The following TBC1D4 variants were observed in gnomAD, a reference collection of about 807,000 sequenced individuals.
The protein encoded by TBC1D4 is TBC (Tre-2, BUB2, CDC16) domain-containing protein.
A neutral mutation model predicts 142.5 loss-of-function variants in TBC1D4; 121 were observed. That is an observed-to-expected ratio of 0.85 (90% confidence interval 0.73 to 0.99). TBC1D4 has a LOEUF of 0.99. Among genes scored for constraint, TBC1D4 ranks in the 50% least tolerant of loss-of-function variants. TBC1D4 has a pLI of 0.00. For synonymous variants in TBC1D4, 630 were observed against 628.2 expected, an observed-to-expected ratio of 1.00 and a Z score of -0.04; for missense variants, 1,475 against 1,606.6, an observed-to-expected ratio of 0.92 and a Z score of 1.40.
intron 1 of TBC1D4, among the ~76,000 whole-genome samples, chr13:75,406,870 C>T (rs1417685785): frequency 6.6e-6 from 1 of 152,126 alleles, no homozygotes; most frequent in Admixed American, 6.5e-5. Context: ...AAAACAGACC[C>T]AGCACCTAAG....
At chr13:75,445,835 T>C (rs1004359593) in intron 1 of TBC1D4, among the ~76,000 whole-genome samples, 1 of 152,252 alleles carries the variant, frequency 6.6e-6, no homozygotes, top group African/African-American at 2.4e-5. Context: ...ATATTCATAA[T>C]CTGATGATTG....
chr13:75,383,049 C>A (rs1358302089), intron 1 of TBC1D4, among the ~76,000 whole-genome samples: 1 of 152,170 alleles, frequency 6.6e-6, no homozygotes, highest in Admixed American at 6.5e-5. Context: ...CGGTCGAGCA[C>A]AGAGGCTCAC....
intron 1 of TBC1D4, among the ~76,000 whole-genome samples, chr13:75,379,573 T>C (rs184296490): frequency 6.6e-6 from 1 of 152,290 alleles, no homozygotes; most frequent in Admixed American, 6.5e-5. Flanking sequence ...AAACATGGAA[T>C]CTCATAAACC....
intron 7 of TBC1D4, among the ~76,000 whole-genome samples, chr13:75,339,676 C>T (rs541360): frequency 0.026 from 3,892 of 152,110 alleles, 157 homozygotes; most frequent in African/African-American, 0.086. Flanking sequence ...CCCAGGTTCA[C>T]GTGCTTCTCC....
intron 1 of TBC1D4, among the ~76,000 whole-genome samples, chr13:75,433,384 T>G (rs541647647): frequency 1.3e-4 from 20 of 152,312 alleles, no homozygotes; most frequent in Non-Finnish European, 2.6e-4. Context: ...GTACAATCTG[T>G]TCCGATTCCT....
chr13:75,372,458 C>G (rs1475668284), intron 1 of TBC1D4, among the ~76,000 whole-genome samples: 1 of 152,100 alleles, frequency 6.6e-6, no homozygotes, highest in South Asian at 2.1e-4. Context: ...TTAGTAGAAA[C>G]AGAGTTTCAT....
At chr13:75,373,440 T>A (rs1370911794) in intron 1 of TBC1D4, among the ~76,000 whole-genome samples, 1 of 152,120 alleles carries the variant, frequency 6.6e-6, no homozygotes, top group Non-Finnish European at 1.5e-5. Context: ...AAAACACACA[T>A]TCACCTCTCT....
At chr13:75,327,146 C>A (rs558725148) in intron 9 of TBC1D4, among the ~76,000 whole-genome samples, 140 of 152,206 alleles carry the variant, frequency 9.2e-4, no homozygotes, top group African/African-American at 3.3e-3. Context: ...CCAGAACAGG[C>A]ACCACTGTAG....
At chr13:75,467,997 C>T (rs1467468377) in intron 1 of TBC1D4, among the ~76,000 whole-genome samples, 1 of 152,148 alleles carries the variant, frequency 6.6e-6, no homozygotes, top group Admixed American at 6.5e-5. Flanking sequence ...CCAGATGGAT[C>T]TCCTCTCCAT....
chr13:75,360,101 T>TGCAA (rs35494328), intron 2 of TBC1D4, among the ~76,000 whole-genome samples: 54 of 151,668 alleles, frequency 3.6e-4, no homozygotes, highest in African/African-American at 1.3e-3. Flanking sequence ...TATTATAAGA[T>TGCAA]ACAAATATTT....
chr13:75,377,052 C>A (rs539989583), intron 1 of TBC1D4, among the ~76,000 whole-genome samples: 1 of 152,208 alleles, frequency 6.6e-6, no homozygotes, highest in African/African-American at 2.4e-5. Context: ...ATAAACAGTA[C>A]ATATTAGCCA....
At chr13:75,323,618 T>TGTTCACAAGATTCAAGAGGTC (rs1009429077) in intron 11 of TBC1D4, among the ~76,000 whole-genome samples, 2 of 152,166 alleles carry the variant, frequency 1.3e-5, no homozygotes, top group African/African-American at 4.8e-5. Flanking sequence ...CAAAATAGAA[T>TGTTCACAAGATTCAAGAGGTC]GTTCACAAGA....
intron 7 of TBC1D4, among the ~76,000 whole-genome samples, chr13:75,337,938 T>C (rs1717502312): frequency 6.6e-6 from 1 of 152,158 alleles, no homozygotes; most frequent in South Asian, 2.1e-4. Context: ...CAATTACTTC[T>C]GCACCTGCCT....
chr13:75,344,924 T>C (rs1266199629), intron 5 of TBC1D4, among the ~76,000 whole-genome samples: 1 of 152,240 alleles, frequency 6.6e-6, no homozygotes, highest in African/African-American at 2.4e-5. Context: ...TTTATCTAAA[T>C]GTGATCCTTC....
chr13:75,443,088 A>G (rs1887119705), intron 1 of TBC1D4, among the ~76,000 whole-genome samples: 1 of 152,242 alleles, frequency 6.6e-6, no homozygotes, highest in African/African-American at 2.4e-5. Context: ...GGCTTAGGCA[A>G]GTAATTAGTT....
At chr13:75,349,041 C>A (rs1881389911) in intron 5 of TBC1D4, 129 bp downstream of exon 5, 1 of 1,384,174 alleles carries the variant, frequency 7.2e-7, no homozygotes, top group Non-Finnish European at 1.0e-6. Flanking sequence ...TTTGAGTGGA[C>A]ATGAGAAATG....
chr13:75,405,269 CT>C (rs5804811), intron 1 of TBC1D4, among the ~76,000 whole-genome samples: 45 of 126,896 alleles, frequency 3.5e-4, no homozygotes, highest in African/African-American at 6.5e-4. Flanking sequence ...TGTATATATG[CT>C]TTTTTTTTTT....
chr13:75,477,989 G>C (rs1312111501), intron 1 of TBC1D4, among the ~76,000 whole-genome samples: 1 of 152,268 alleles, frequency 6.6e-6, no homozygotes, highest in East Asian at 1.9e-4. Context: ...AGCCATTCTG[G>C]TTGAATGCTT....
chr13:75,421,907 C>T (rs1368277295), intron 1 of TBC1D4, among the ~76,000 whole-genome samples: 7 of 152,050 alleles, frequency 4.6e-5, no homozygotes, highest in Non-Finnish European at 1.0e-4. Flanking sequence ...AATCCATTTC[C>T]TCCCCATACA....
Sources: allele counts gnomAD v4.1 joint callset (sites outside exome capture counted in the v4.1 genomes callset), GRCh38; gene constraint gnomAD v4.1.1; transcripts MANE v1.5; gene names NCBI Gene and HGNC (gene_info 2026-07-23, HGNC 2026-07-21).